The following LZTFL1 variants were observed in gnomAD, a reference collection of about 807,000 sequenced individuals.
LZTFL1 encodes leucine zipper transcription factor-like protein 1.
LZTFL1 carries 25 observed loss-of-function variants against 45.9 expected under a neutral mutation model. That is an observed-to-expected ratio of 0.54 (90% CI 0.40 to 0.76). The LOEUF (loss-of-function observed/expected upper bound fraction) is 0.76, where lower values mean the gene tolerates loss of function less well. Ranked by LOEUF, LZTFL1 falls within the 30% of genes least tolerant of loss-of-function variation. The probability of loss-of-function intolerance (pLI) is 0.00; values close to 1 mark genes in which losing one functional copy is unlikely to be tolerated. For missense variants in LZTFL1, 277 were observed against 331.1 expected (o/e 0.84, Z 1.27); for synonymous variants, 93 against 117.4 (o/e 0.79, Z 1.35).
chr3:45,845,981 T>A (rs146586076), upstream of LZTFL1, among the ~76,000 whole-genome samples: 39 of 152,332 alleles, frequency 2.6e-4, no homozygotes, highest in Admixed American at 1.2e-3. Flanking sequence ...GCAAGCTCCT[T>A]GAAGGAAGAA....
chr3:45,834,238 CT>C lies in LZTFL1; in HGVS notation c.383del (p.Lys128SerfsTer4). 7 of 1,582,678 alleles carry C rather than the reference CT, an allele frequency of 4.4e-6. No homozygotes were observed. The highest frequency in any genetic ancestry group is 6.1e-6 in the Non-Finnish European group (7 of 1,154,762). On this transcript the variant is annotated frameshift_variant and splice_region_variant, in exon 4 of 10. Coordinates refer to ENST00000296135, the MANE Select transcript of LZTFL1 (RefSeq NM_020347.4). LOFTEE classifies it high-confidence loss of function. ...GGATTTAGAATGACCAAAAAGTTACCTTTTTGTTTGAAGATGTAATCTCTGC... is the reference window on the plus strand; with the variant it reads ...GGATTTAGAATGACCAAAAAGTTACCTTTTGTTTGAAGATGTAATCTCTGC... ...EKAEITSSNK[K>X]PILDVTKPKL...
Position 45,835,753 on chromosome 3 carries a change from C to G in LZTFL1, c.160G>C (p.Val54Leu). 1 of 1,613,846 alleles carries G rather than the reference C, an allele frequency of 6.2e-7. No homozygotes were observed. Among genetic ancestry groups the G allele is most frequent in the South Asian group, 1.1e-5 (1 of 91,028 alleles). Residue 54 changes from valine (V) to leucine (L), a missense_variant, in exon 3 of 10, where the codon GTC becomes CTC. By Grantham distance (32) the Val-to-Leu change is conservative (BLOSUM62 1). Transcript: ENST00000296135. ...TGTAATCCATTGAGGACTTCAGAGA[C>G]TTCATCTATGGTGAAGGTGTCCTCC... is the stretch of plus-strand genomic sequence containing the variant. Reference protein sequence around the residue: ...LVEDTFTIDEVSEVLNGLQAV... With the variant: ...LVEDTFTIDELSEVLNGLQAV...
chr3:45,843,933 G>A (rs1235950014), upstream of LZTFL1, among the ~76,000 whole-genome samples: 1 of 152,074 alleles, frequency 6.6e-6, no homozygotes, highest in Non-Finnish European at 1.5e-5. Context: ...GATCTTCTTA[G>A]GCTCTGTTTT....
At chr3:45,888,306 C>T (rs1249449015) in intron 2 of LZTFL1, among the ~76,000 whole-genome samples, 1 of 152,152 alleles carries the variant, frequency 6.6e-6, no homozygotes, top group African/African-American at 2.4e-5. Context: ...CCTTCAAGGA[C>T]CCGCAAAAAT....
chr3:45,873,130 T>C (rs1343750448), intron 2 of LZTFL1, among the ~76,000 whole-genome samples: 1 of 152,232 alleles, frequency 6.6e-6, no homozygotes, highest in African/African-American at 2.4e-5. Context: ...ATTTCCCCAC[T>C]GCTAGTCCTA....
rs779289779 is a variant in LZTFL1, at chr3:45,901,651, A to G, written c.-215+11469T>C. The G allele has an allele frequency of 2.5e-6, 4 of 1,613,902 alleles. No individual in the cohort carries two copies. The highest frequency in any genetic ancestry group is 3.4e-6 in the Non-Finnish European group (4 of 1,179,900). Reference sequence around the variant, plus strand: ...GACGCCTATGCCATGTTCATCTCCAACTGTGCCGTTTCCACCAACATTGAC... The same window carrying G: ...GACGCCTATGCCATGTTCATCTCCAGCTGTGCCGTTTCCACCAACATTGAC... On this transcript the variant is annotated intron_variant, in intron 2 of 4. Transcript: ENST00000472635. The surrounding 1 kb of genome is among the most constrained non-coding windows in gnomAD (Gnocchi z 4.3).
chr3:45,831,957 C>G (rs770750415), intron 5 of LZTFL1, among the ~76,000 whole-genome samples: 1 of 152,040 alleles, frequency 6.6e-6, no homozygotes, highest in Non-Finnish European at 1.5e-5. Context: ...CATTTTTGGC[C>G]GGGCACGGTG....
Position 45,831,137 on chromosome 3 carries a change from T to C in LZTFL1, c.458A>G (p.Glu153Gly), listed in dbSNP as rs766059360. ...ATTCTCTTCTTGAAGTCTTAAAATT[T>C]CCTTTGTGAGTAAATTCAAATTTTA... ...EGGTAELLNK[E>G]ILRLQEENEK... Residue 153 changes from glutamate (E) to glycine (G), a missense_variant and splice_region_variant, in exon 6 of 10, where the codon GAA (glutamate) becomes GGA (glycine). Physicochemically the swap from Glu to Gly is moderately conservative, Grantham distance 98. Transcript: ENST00000296135. The C allele has an allele frequency of 1.9e-6, 3 of 1,562,236 alleles. 1 individual carries two copies. The highest frequency in any genetic ancestry group is 3.8e-5 in the Admixed American group (2 of 52,310).
chr3:45,842,172 T>C, upstream of LZTFL1: 9 of 1,469,626 alleles, frequency 6.1e-6, no homozygotes, highest in Non-Finnish European at 8.1e-6. Context: ...TTTTCATTGG[T>C]CCTCAGGATC....
chr3:45,893,191 G>A (rs1415123391), intron 2 of LZTFL1, among the ~76,000 whole-genome samples: 1 of 149,214 alleles, frequency 6.7e-6, no homozygotes, highest in Non-Finnish European at 1.5e-5. Context: ...GTCTTGCTCT[G>A]TCACCCAGGC....
At chr3:45,855,274 G>C (rs1701372870) in intron 3 of LZTFL1, among the ~76,000 whole-genome samples, 1 of 152,102 alleles carries the variant, frequency 6.6e-6, no homozygotes, top group Non-Finnish European at 1.5e-5. Flanking sequence ...AAATCAATAA[G>C]TGTAATCCAT....
Position 45,842,000 on chromosome 3 carries a change from GCAGCGGCGGCAGC to G in LZTFL1, c.-22_-10del. The G allele has an allele frequency of 1.2e-6, 2 of 1,609,482 alleles. No homozygotes were observed. Among genetic ancestry groups the G allele is most frequent in the Non-Finnish European group, 1.7e-6 (2 of 1,179,052 alleles). ...GGTCGGTTACTCACCATGGCGGCAG[GCAGCGGCGGCAGC>G]CTAAAGGAACGGGAGAGGCCAGGCG... On this transcript the variant is annotated 5_prime_UTR_variant, in exon 1 of 10. Coordinates refer to ENST00000296135, the MANE Select transcript of LZTFL1 (RefSeq NM_020347.4).
intron 2 of LZTFL1, among the ~76,000 whole-genome samples, chr3:45,881,085 C>G (rs1434595458): frequency 1.3e-5 from 2 of 152,230 alleles, no homozygotes; most frequent in Non-Finnish European, 2.9e-5. Context: ...AAAAAATCCT[C>G]TGACTGGTCT....
chr3:45,828,390 G>T (rs780385675), intron 8 of LZTFL1, 49 bp downstream of exon 8: 2 of 1,526,494 alleles, frequency 1.3e-6, no homozygotes, highest in Non-Finnish European at 1.8e-6. Flanking sequence ...TATACTGTGT[G>T]CATTAATCAT....
chr3:45,830,665 T>C lies in LZTFL1; in HGVS notation c.600+248A>G, dbSNP rs979695127. 4.0e-5 allele frequency among the ~76,000 whole-genome samples: 6 copies of C among 151,594 alleles called. No homozygotes were observed. The East Asian group carries it at 1.2e-3, about 29-fold the overall frequency. On this transcript the variant is annotated intron_variant, in intron 7 of 9. Transcript: ENST00000296135. ...AAAATAAATGTGAGAATATCTTGCA[T>C]GCCAGGGAAACTGCAGGTGTGTGAG... is the stretch of plus-strand genomic sequence containing the variant.
chr3:45,887,227 CCTTT>C (rs1702007226), intron 2 of LZTFL1, among the ~76,000 whole-genome samples: 1 of 149,572 alleles, frequency 6.7e-6, no homozygotes, highest in African/African-American at 2.5e-5. Flanking sequence ...AGTCTGATTT[CCTTT>C]CTATTAAGTG....
Position 45,828,429 on chromosome 3 carries a change from GTCT to G in LZTFL1, c.777+7_777+9del, listed in dbSNP as rs1404264671. The G allele has an allele frequency of 1.4e-5, 23 of 1,610,456 alleles. No individual in the cohort carries two copies. Among genetic ancestry groups the G allele is most frequent in the African/African-American group, 2.7e-5 (2 of 74,580 alleles). ...TTAACAGACAAATCCCTTAAACATG[GTCT>G]TCTGACCTTTTCAGCCATGTGCAGC... On this transcript the variant is annotated splice_region_variant and intron_variant, in intron 8 of 9. Transcript: ENST00000296135.
At chr3:45,870,126 C>T (rs1307879668) in intron 2 of LZTFL1, among the ~76,000 whole-genome samples, 2 of 152,188 alleles carry the variant, frequency 1.3e-5, no homozygotes, top group Non-Finnish European at 2.9e-5. Context: ...CTCCAGTGCC[C>T]GCTCTCAAGC....
intron 5 of LZTFL1, among the ~76,000 whole-genome samples, 185 bp from the exon 6 acceptor site, chr3:45,831,323 G>C (rs540245618): frequency 3.9e-5 from 6 of 152,186 alleles, no homozygotes; most frequent in African/African-American, 1.2e-4. Context: ...CTGTGAGTCA[G>C]CTTTGGATCT....
Sources: gnomAD v4.1 joint callset for allele counts (sites outside exome capture counted in the v4.1 genomes callset) on GRCh38, gnomAD v4.1.1 for gene constraint, Gnocchi (gnomAD v3.1) non-coding constraint, MANE v1.5 for transcripts, NCBI Gene and HGNC (gene_info 2026-07-23, HGNC 2026-07-21) for gene names.